ANKFY1: variants seen among roughly 807,000 people sequenced by gnomAD.
ANKFY1 encodes ankyrin repeat and FYVE domain-containing protein 1.
In ANKFY1, 47 loss-of-function variants were observed where a neutral mutation model predicts 128.3. The observed-to-expected ratio is 0.37, with a 90% CI of 0.29 to 0.47. The LOEUF (loss-of-function observed/expected upper bound fraction) is 0.47. Among genes scored for constraint, ANKFY1 ranks in the 20% least tolerant of loss-of-function variants. ANKFY1 has a pLI of 1.00. For synonymous variants in ANKFY1, 553 were observed against 601.6 expected, an observed-to-expected ratio of 0.92 and a Z score of 1.18; for missense variants, 1,222 against 1,510.6, an observed-to-expected ratio of 0.81 and a Z score of 3.17.
intron 3 of ANKFY1, among the ~76,000 whole-genome samples, chr17:4,233,024 T>C (rs1022877373): frequency 6.6e-6 from 1 of 151,924 alleles, no homozygotes; most frequent in Non-Finnish European, 1.5e-5. Context: ...AAAGTAGGAA[T>C]ATTTCACAGC....
intron 4 of ANKFY1, chr17:4,216,742 C>G (rs146413284): frequency 1.9e-6 from 1 of 534,242 alleles, no homozygotes; most frequent in African/African-American, 1.9e-5. Flanking sequence ...TCAGTTTATA[C>G]GATTATGTAA....
intron 5 of ANKFY1, among the ~76,000 whole-genome samples, chr17:4,208,350 C>T (rs966243638): frequency 7.2e-5 from 11 of 152,176 alleles, no homozygotes; most frequent in Admixed American, 6.5e-5. Context: ...GCTGACGTTC[C>T]GAGCCTCACT....
Position 4,240,171 on chromosome 17 carries a change from T to C in ANKFY1, c.203+2085A>G, listed in dbSNP as rs960301087. On this transcript the variant is annotated intron_variant, in intron 2 of 24. Coordinates refer to ENST00000341657, the MANE Select transcript of ANKFY1 (RefSeq NM_001330063.2). ...CCTCCGCCTATCGAGTTCAAGCGAT[T>C]CTCCTGCCTCAGCCTCTCGAGTAGC... is the stretch of plus-strand genomic sequence containing the variant. 3.3e-5 allele frequency among the ~76,000 whole-genome samples: 5 copies of C among 151,470 alleles called. No homozygotes were observed. In the East Asian group the frequency reaches 7.8e-4, roughly 24 times the overall value.
chr17:4,242,119 A>T, intron 2 of ANKFY1, 137 bp downstream of exon 2: 1 of 854,304 alleles, frequency 1.2e-6, no homozygotes, highest in South Asian at 3.0e-5. Flanking sequence ...TGCCTCAAGG[A>T]GCTTCTATTC....
chr17:4,179,899 T>C (rs373242474), intron 16 of ANKFY1, 22 bp from the exon 17 acceptor site: 1 of 1,613,210 alleles, frequency 6.2e-7, no homozygotes, highest in Non-Finnish European at 8.5e-7. Flanking sequence ...GGGGACATTT[T>C]AAAAAACGCC....
intron 1 of ANKFY1, among the ~76,000 whole-genome samples, chr17:4,256,288 C>G (rs865785168): frequency 3.9e-5 from 6 of 152,130 alleles, no homozygotes. Flanking sequence ...ATTAGCCAGG[C>G]GCAGTGGCGG....
At chr17:4,200,231 T>C (rs987884229) in intron 7 of ANKFY1, among the ~76,000 whole-genome samples, 15 of 151,912 alleles carry the variant, frequency 9.9e-5, no homozygotes, top group Non-Finnish European at 1.8e-4. Context: ...CCGGCTAATT[T>C]TTTTGTGTTT....
chr17:4,227,580 T>C (rs562002688), intron 3 of ANKFY1, among the ~76,000 whole-genome samples: 26 of 152,286 alleles, frequency 1.7e-4, no homozygotes, highest in African/African-American at 6.3e-4. Context: ...AAAGATCTCA[T>C]TGTTTCTCCC....
intron 3 of ANKFY1, among the ~76,000 whole-genome samples, chr17:4,235,340 C>CAAA (rs10677242): frequency 0.032 from 3,730 of 115,788 alleles, 131 homozygotes; most frequent in East Asian, 0.035. Context: ...GACTCTGTCT[C>CAAA]AAAAAAAAAA....
rs1400561735 is a variant in ANKFY1, at chr17:4,179,762, C to T, written c.2356G>A (p.Val786Ile). The change falls in exon 17 of 25, where the codon GTA (valine) becomes ATA (isoleucine). Residue 786 changes from valine to isoleucine, a missense_variant. By Grantham distance (29) the Val-to-Ile change is conservative. Coordinates refer to ENST00000341657, the MANE Select transcript of ANKFY1 (RefSeq NM_001330063.2). ...GCACCAAACTCCAGAAGACACTGTA[C>T]TGTCTCTTCCAGCCCCCAAGAGGCT... ...LAASWGLEETVQCLLEFGANV... is the reference protein window; with the variant it reads ...LAASWGLEETIQCLLEFGANV... The T allele has an allele frequency of 6.2e-7, 1 of 1,614,142 alleles. No homozygotes were observed. Among genetic ancestry groups the T allele is most frequent in the Non-Finnish European group, 8.5e-7 (1 of 1,180,064 alleles).
intron 19 of ANKFY1, among the ~76,000 whole-genome samples, chr17:4,176,119 T>A (rs892193334): frequency 1.2e-4 from 18 of 152,186 alleles, no homozygotes; most frequent in African/African-American, 4.3e-4. Context: ...TAGCCCTCAG[T>A]TCACACTCAC....
intron 13 of ANKFY1, 39 bp from the exon 14 acceptor site, chr17:4,183,590 T>C (rs1322147978): frequency 6.2e-7 from 1 of 1,602,586 alleles, no homozygotes; most frequent in Admixed American, 1.7e-5. Flanking sequence ...GCTCGGCTTT[T>C]CCCGCTTCCT....
At chr17:4,237,192 A>G in intron 2 of ANKFY1, among the ~76,000 whole-genome samples, 1 of 152,200 alleles carries the variant, frequency 6.6e-6, no homozygotes, top group African/African-American at 2.4e-5. Flanking sequence ...CTTGACAGAG[A>G]CACATTCTAC....
chr17:4,251,496 A>T (rs912738937), intron 1 of ANKFY1, among the ~76,000 whole-genome samples: 5 of 151,292 alleles, frequency 3.3e-5, no homozygotes, highest in Admixed American at 6.6e-5. Flanking sequence ...TGAGCTTCAA[A>T]TCATTGACAG....
Position 4,222,302 on chromosome 17 carries a change from G to T in ANKFY1, c.323-5184C>A, listed in dbSNP as rs1296955770. 1.2e-5 allele frequency: 8 copies of T among 692,524 alleles called. No homozygotes were observed. The South Asian group carries it at 1.2e-4, about 10-fold the overall frequency. The allele number at this position is 692,524 out of a possible 1,614,324, so 42.9% of individuals were successfully genotyped here. A position where few individuals can be genotyped will look rare whatever the true frequency, so the allele number is the denominator to read the frequency against. On this transcript the variant is annotated intron_variant, in intron 3 of 24. Coordinates refer to ENST00000341657, the MANE Select transcript of ANKFY1 (RefSeq NM_001330063.2). Reference sequence around the variant, plus strand: ...TACCTGAGTGAGGATGAGGTGCACCGGCTGATCGGTCTTGATGCAGAACTT... The same window carrying T: ...TACCTGAGTGAGGATGAGGTGCACCTGCTGATCGGTCTTGATGCAGAACTT...
chr17:4,226,789 G>C (rs372372203), intron 3 of ANKFY1, among the ~76,000 whole-genome samples: 10 of 142,764 alleles, frequency 7.0e-5, no homozygotes, highest in African/African-American at 2.1e-4. Context: ...AACCAACAGA[G>C]AAAATTAACA....
At chr17:4,251,786 G>A (rs916265833) in intron 1 of ANKFY1, among the ~76,000 whole-genome samples, 1 of 152,088 alleles carries the variant, frequency 6.6e-6, no homozygotes, top group Non-Finnish European at 1.5e-5. Context: ...TGTAATCCCA[G>A]CACTTTGGGA....
intron 1 of ANKFY1, chr17:4,263,539 T>G: frequency 6.6e-7 from 1 of 1,509,942 alleles, no homozygotes; most frequent in East Asian, 2.6e-5. Flanking sequence ...ATGGACCCCT[T>G]CCGGATGCAG....
chr17:4,243,910 C>A (rs1468755936), intron 1 of ANKFY1, among the ~76,000 whole-genome samples: 7 of 151,430 alleles, frequency 4.6e-5, no homozygotes, highest in Non-Finnish European at 8.8e-5. Context: ...CCCTGAGTTA[C>A]TGAGAAAAAC....
Sources: gnomAD v4.1 joint callset for allele counts (sites outside exome capture counted in the v4.1 genomes callset) on GRCh38, gnomAD v4.1.1 for gene constraint, MANE v1.5 for transcripts, NCBI Gene and HGNC (gene_info 2026-07-23, HGNC 2026-07-21) for gene names.